The following KANK1 variants were observed in gnomAD, a reference collection of about 807,000 sequenced individuals.
KANK1 encodes the protein KN motif and ankyrin repeat domain-containing protein 1.
In KANK1, 109 loss-of-function variants were observed where a neutral mutation model predicts 106.2. The observed-to-expected ratio is 1.03, with a 90% CI of 0.88 to 1.20. The LOEUF (loss-of-function observed/expected upper bound fraction) is 1.20. Among genes scored for constraint, KANK1 ranks in the 50% most tolerant of loss-of-function variants. The pLI is 0.00. For missense variants in KANK1, 2,399 were observed against 1,710.7 expected (o/e 1.40, Z -7.10); for synonymous variants, 873 against 652.2 (o/e 1.34, Z -5.16).
chr9:543,169 G>A (rs2060711063), intron 1 of KANK1, among the ~76,000 whole-genome samples: 1 of 152,038 alleles, frequency 6.6e-6, no homozygotes, highest in African/African-American at 2.4e-5. Flanking sequence ...AAAGTGGGAG[G>A]AAAAGTGATA....
intron 3 of KANK1, among the ~76,000 whole-genome samples, chr9:728,578 T>C (rs1831366160): frequency 6.6e-6 from 1 of 152,264 alleles, no homozygotes. Context: ...TCCCCTTACC[T>C]GTCCAGGCCT....
intron 3 of KANK1, among the ~76,000 whole-genome samples, chr9:487,613 G>T (rs564081155): frequency 6.6e-6 from 1 of 152,280 alleles, no homozygotes; most frequent in South Asian, 2.1e-4. Context: ...ACAGAACTTT[G>T]TTCTAAGTTC....
intron 1 of KANK1, among the ~76,000 whole-genome samples, chr9:676,009 T>G (rs79160146): frequency 0.075 from 11,347 of 152,210 alleles, 494 homozygotes; most frequent in Non-Finnish European, 0.094. Context: ...GGGAATGTTT[T>G]TTAGCATGCT....
At chr9:478,162 AT>A in intron 3 of KANK1, 1 of 182,934 alleles carries the variant, frequency 5.5e-6, no homozygotes, top group South Asian at 1.0e-4. Context: ...TGGAAATGCC[AT>A]TTTTCATGAC....
chr9:546,099 A>G (rs1320505344), intron 1 of KANK1, among the ~76,000 whole-genome samples: 1 of 152,136 alleles, frequency 6.6e-6, no homozygotes, highest in Non-Finnish European at 1.5e-5. Context: ...GGATGGACAC[A>G]GTCCCTGGCT....
intron 11 of KANK1, 52 bp downstream of exon 11, chr9:744,641 G>T: frequency 6.2e-7 from 1 of 1,613,904 alleles, no homozygotes; most frequent in Non-Finnish European, 8.5e-7. Context: ...CACCAGACTG[G>T]TGGACCCCCT....
At chr9:578,334 TG>T (rs1821142164) in intron 1 of KANK1, among the ~76,000 whole-genome samples, 1 of 151,506 alleles carries the variant, frequency 6.6e-6, no homozygotes, top group African/African-American at 2.4e-5. Context: ...TTCAACTGTG[TG>T]TGTGTGTGTG....
At chr9:695,298 C>T (rs1045369959) in intron 2 of KANK1, among the ~76,000 whole-genome samples, 11 of 152,134 alleles carry the variant, frequency 7.2e-5, no homozygotes, top group Non-Finnish European at 1.3e-4. Flanking sequence ...GAATAATCGG[C>T]ACTCACCTTT....
chr9:632,417 G>A (rs993660457), intron 1 of KANK1, among the ~76,000 whole-genome samples: 5 of 152,104 alleles, frequency 3.3e-5, no homozygotes, highest in Non-Finnish European at 5.9e-5. Context: ...AAGTTGAATG[G>A]AAAATATTTT....
chr9:537,696 C>G (rs1172175812), intron 1 of KANK1, among the ~76,000 whole-genome samples: 1 of 152,092 alleles, frequency 6.6e-6, no homozygotes, highest in African/African-American at 2.4e-5. Flanking sequence ...TCGATTTTTG[C>G]CCCCCAGGGG....
At chr9:689,295 A>T (rs1819310217) in intron 2 of KANK1, among the ~76,000 whole-genome samples, 1 of 152,192 alleles carries the variant, frequency 6.6e-6, no homozygotes, top group Non-Finnish European at 1.5e-5. Flanking sequence ...AATAAAGGAT[A>T]AGAAGACAGA....
At position 598,620 on chromosome 9, in the gene KANK1, C is replaced by CTTTTTTTTTTTTTTTTT. The variant is rs3028166; in HGVS notation, c.-83-78256_-83-78240dup. On this transcript the variant is annotated intron_variant, in intron 1 of 11. Transcript: ENST00000382297. ...TTTTTTGTTTTGTTTTGTTGGTTTT[C>CTTTTTTTTTTTTTTTTT]TTTTTTTTTTTTTTTTTTTTTTTTT... Among the ~76,000 whole-genome samples, 42 of 46,680 alleles carry CTTTTTTTTTTTTTTTTT rather than the reference C, an allele frequency of 9.0e-4. 8 individuals carry two copies. The highest frequency in any genetic ancestry group is 3.3e-3 in the East Asian group (5 of 1,514). The allele number at this position is 46,680 out of a possible 152,430, so 30.6% of individuals were successfully genotyped here. A position where few individuals can be genotyped will look rare whatever the true frequency, so the allele number is the denominator to read the frequency against.
At chr9:561,175 C>T (rs904387491) in intron 1 of KANK1, among the ~76,000 whole-genome samples, 1 of 152,114 alleles carries the variant, frequency 6.6e-6, no homozygotes, top group African/African-American at 2.4e-5. Flanking sequence ...AAAGTTAATT[C>T]TCAACTTCAG....
chr9:649,454 G>A (rs1159372630), intron 1 of KANK1, among the ~76,000 whole-genome samples: 1 of 152,166 alleles, frequency 6.6e-6, no homozygotes. Context: ...TGTGATAACT[G>A]ACTTCAGTCA....
At chr9:710,775 A>T (rs1162378754) in intron 2 of KANK1, 29 bp from the exon 3 acceptor site, 1 of 1,539,870 alleles carries the variant, frequency 6.5e-7, no homozygotes, top group Non-Finnish European at 8.7e-7. Flanking sequence ...ATTGCATGTC[A>T]TTATAATATT....
At position 623,187 on chromosome 9, in the gene KANK1, C is replaced by T. The variant is rs116831168; in HGVS notation, c.-83-53703C>T. On this transcript the variant is annotated intron_variant, in intron 1 of 11. Transcript: ENST00000382297. ...GTAAAAGGTCAATGTCCATAATATACGAGAAACTCGTACAACTCAATACTA... is the reference window on the plus strand; with the variant it reads ...GTAAAAGGTCAATGTCCATAATATATGAGAAACTCGTACAACTCAATACTA... Among the ~76,000 whole-genome samples the T allele has an allele frequency of 6.6e-3, 1,009 of 151,892 alleles. 16 individuals carry two copies. The highest frequency in any genetic ancestry group is 0.023 in the African/African-American group (951 of 41,364).
chr9:717,576 G>C (rs1828061430), intron 3 of KANK1, among the ~76,000 whole-genome samples: 1 of 152,164 alleles, frequency 6.6e-6, no homozygotes, highest in South Asian at 2.1e-4. Flanking sequence ...GAGGTGTTCT[G>C]TATTTTTTAA....
intron 3 of KANK1, among the ~76,000 whole-genome samples, chr9:498,754 A>G (rs2058498250): frequency 6.6e-6 from 1 of 152,242 alleles, no homozygotes; most frequent in South Asian, 2.1e-4. Context: ...TAGGATATCT[A>G]TAATCAAAAA....
At chr9:557,206 A>C (rs891663979) in intron 1 of KANK1, among the ~76,000 whole-genome samples, 1 of 147,280 alleles carries the variant, frequency 6.8e-6, no homozygotes, top group Non-Finnish European at 1.5e-5. Context: ...AAAAAAAAAA[A>C]AATTTATTCA....
Sources: gnomAD v4.1 joint callset for allele counts (sites outside exome capture counted in the v4.1 genomes callset) on GRCh38, gnomAD v4.1.1 for gene constraint, MANE v1.5 for transcripts, NCBI Gene and HGNC (gene_info 2026-07-23, HGNC 2026-07-21) for gene names.